The following POLI variants were observed in gnomAD, a reference collection of about 807,000 sequenced individuals.
POLI encodes the protein DNA polymerase iota.
Under a neutral mutation model 51.6 loss-of-function variants are expected in POLI, and 58 were observed. The observed-to-expected ratio is 1.12, with a 90% CI of 0.91 to 1.40. POLI has a LOEUF of 1.40. Ranked by LOEUF, POLI falls within the 40% of genes most tolerant of loss-of-function variation. The pLI, the probability that POLI is intolerant of heterozygous loss-of-function variation, is 0.00. For synonymous variants in POLI, 322 were observed against 299.7 expected (o/e 1.07, Z -0.77); for missense variants, 921 against 871.3 (o/e 1.06, Z -0.72).
intron 3 of POLI, among the ~76,000 whole-genome samples, chr18:54,312,128 C>CA (rs1173527494): frequency 6.6e-6 from 1 of 152,124 alleles, no homozygotes; most frequent in African/African-American, 2.4e-5. Flanking sequence ...TATTCCCCCC[C>CA]AGCGTCTGTT....
intron 2 of POLI, among the ~76,000 whole-genome samples, chr18:54,273,298 A>G (rs1490021990): frequency 1.3e-5 from 2 of 150,802 alleles, no homozygotes; most frequent in Non-Finnish European, 3.0e-5. Flanking sequence ...TATATTTTAT[A>G]TTGCTTTATA....
At chr18:54,276,174 G>A (rs1328609081) in intron 3 of POLI, among the ~76,000 whole-genome samples, 1 of 151,658 alleles carries the variant, frequency 6.6e-6, no homozygotes, top group Non-Finnish European at 1.5e-5. Context: ...GGTCAGTCTG[G>A]GCAATATAAC....
downstream of POLI, among the ~76,000 whole-genome samples, chr18:54,300,697 C>A (rs961132798): frequency 6.6e-6 from 1 of 151,984 alleles, no homozygotes. Flanking sequence ...AAGTAGGACC[C>A]AACTGTCTGC....
intron 5 of POLI, among the ~76,000 whole-genome samples, chr18:54,282,146 T>A (rs1210498223): frequency 2.0e-5 from 3 of 152,198 alleles, no homozygotes; most frequent in African/African-American, 4.8e-5. Flanking sequence ...TTACCTAATA[T>A]GTACACTTAA....
At position 54,297,511 on chromosome 18, in the gene POLI, T is replaced by G. The variant is rs2088394898; in HGVS notation, c.*3044T>G. ...GAACTCTAAAAAGTATCTATTCCAC[T>G]GTAGTGCCAAAGTACAAATTTATTT... On this transcript the variant is annotated 3_prime_UTR_variant, in exon 10 of 10. Coordinates refer to ENST00000579534, the MANE Select transcript of POLI (RefSeq NM_007195.3). 1.0e-6 allele frequency: 1 copy of G among 981,732 alleles called. No individual in the cohort carries two copies. Among genetic ancestry groups the G allele is most frequent in the Non-Finnish European group, 1.2e-6 (1 of 826,760 alleles). The allele number at this position is 981,732 out of a possible 1,614,324, so 60.8% of individuals were successfully genotyped here.
chr18:54,299,323 T>C (rs1485060323), downstream of POLI, among the ~76,000 whole-genome samples: 1 of 152,112 alleles, frequency 6.6e-6, no homozygotes, highest in East Asian at 1.9e-4. Context: ...TAGTCCCACC[T>C]ACTGGGGAGG....
At chr18:54,279,925 C>G (rs489292) in intron 4 of POLI, among the ~76,000 whole-genome samples, 1 of 152,092 alleles carries the variant, frequency 6.6e-6, no homozygotes, top group Non-Finnish European at 1.5e-5. Flanking sequence ...TGCCTACTTA[C>G]GGGTAAATAT....
At chr18:54,301,279 C>A (rs1185252099), downstream of POLI, among the ~76,000 whole-genome samples, 1 of 151,204 alleles carries the variant, frequency 6.6e-6, no homozygotes, top group Admixed American at 6.6e-5. Context: ...ACTCCCATCA[C>A]ACACACACAC....
Position 54,297,924 on chromosome 18 carries a change from C to G in POLI, c.*3457C>G, listed in dbSNP as rs2088413213. 2 of 980,408 alleles carry G rather than the reference C, an allele frequency of 2.0e-6. No homozygotes were observed. Among genetic ancestry groups the G allele is most frequent in the Non-Finnish European group, 2.4e-6 (2 of 825,676 alleles). The allele number at this position is 980,408 out of a possible 1,614,324, so 60.7% of individuals were successfully genotyped here. A position where few individuals can be genotyped will look rare whatever the true frequency, so the allele number is the denominator to read the frequency against. ...TCCTTCTAGGTAGAATTCTTTATAC[C>G]TTCTGAAATTATGTCCTTAGAGCTG... On this transcript the variant is annotated 3_prime_UTR_variant, in exon 10 of 10. Transcript: ENST00000579534.
intron 3 of POLI, among the ~76,000 whole-genome samples, chr18:54,314,417 A>G (rs1361917135): frequency 6.6e-6 from 1 of 152,116 alleles, no homozygotes; most frequent in Admixed American, 6.6e-5. Context: ...CATCAGCAAT[A>G]TTGGCCTGAA....
rs2087471959 is a variant in POLI, at chr18:54,280,921, G to A, written c.796+18G>A. The A allele has an allele frequency of 7.6e-7, 1 of 1,308,378 alleles. No homozygotes were observed. Among genetic ancestry groups the A allele is most frequent in the South Asian group, 1.2e-5 (1 of 83,476 alleles). The allele number at this position is 1,308,378 out of a possible 1,614,324, so 81.0% of individuals were successfully genotyped here. On this transcript the variant is annotated intron_variant, in intron 5 of 9. Transcript: ENST00000579534. ...AATACCTGGTAAGACAAATATATTTGAAAAGTACATATACGTCTTATTTTA... is the reference window on the plus strand; with the variant it reads ...AATACCTGGTAAGACAAATATATTTAAAAAGTACATATACGTCTTATTTTA...
chr18:54,269,711 G>A, intron 1 of POLI, 50 bp downstream of exon 1: 1 of 1,429,046 alleles, frequency 7.0e-7, no homozygotes, highest in Non-Finnish European at 9.1e-7. Context: ...TAAATGAGAA[G>A]GGTGGGGCAG....
intron 3 of POLI, among the ~76,000 whole-genome samples, chr18:54,318,061 C>T (rs772376311): frequency 3.3e-5 from 5 of 152,032 alleles, no homozygotes; most frequent in African/African-American, 7.2e-5. Flanking sequence ...ATATTGAATT[C>T]GTGCAATATA....
chr18:54,294,443 A>C lies in POLI; in HGVS notation c.2199A>C (p.Ser733=), dbSNP rs931733510. Reference sequence around the variant, plus strand: ...TGGCAGAGTGGAAGAGAGCAGGATCAGATTTCCACATTGGACATAAATAAG... The same window carrying C: ...TGGCAGAGTGGAAGAGAGCAGGATCCGATTTCCACATTGGACATAAATAAG... The part of the protein sequence containing the change: ...ELLAEWKRAG[S]DFHIGHK Residue 733 remains serine, a synonymous_variant, in exon 10 of 10, where the codon TCA becomes TCC. Coordinates refer to ENST00000579534, the MANE Select transcript of POLI (RefSeq NM_007195.3). The C allele has an allele frequency of 1.9e-6, 3 of 1,599,750 alleles. No individual in the cohort carries two copies. The African/African-American group carries it at 4.0e-5, about 22-fold the overall frequency.
At chr18:54,271,215 T>G in intron 1 of POLI, 145 bp from the exon 2 acceptor site, 3 of 598,836 alleles carry the variant, frequency 5.0e-6, no homozygotes, top group Non-Finnish European at 5.5e-6. Context: ...GTCTTTGTAA[T>G]TTTTCGATGC....
intron 4 of POLI, 114 bp downstream of exon 4, chr18:54,277,969 T>C: frequency 1.1e-5 from 8 of 749,006 alleles, no homozygotes; most frequent in Non-Finnish European, 1.7e-5. Context: ...GGAGGTATAG[T>C]TATATTTAGT....
intron 7 of POLI, among the ~76,000 whole-genome samples, chr18:54,286,805 G>A (rs991369999): frequency 6.6e-6 from 1 of 152,060 alleles, no homozygotes; most frequent in Non-Finnish European, 1.5e-5. Flanking sequence ...TTAGCCAGGT[G>A]TGGTCACACA....
rs368394478 is a variant in POLI, at chr18:54,279,989, CA to C, written c.560-676del. Reference sequence around the variant, plus strand: ...AATTTTTTTATGAGATCAGTTTTCACAATGTGTTAATTATTAAGCACTCCCA... The same window carrying C: ...AATTTTTTTATGAGATCAGTTTTCACATGTGTTAATTATTAAGCACTCCCA... On this transcript the variant is annotated intron_variant, in intron 4 of 9. Transcript: ENST00000579534. 5.8e-3 allele frequency among the ~76,000 whole-genome samples: 884 copies of C among 152,220 alleles called. 7 individuals carry two copies. Among genetic ancestry groups the C allele is most frequent in the African/African-American group, 0.021 (853 of 41,528 alleles).
At chr18:54,274,573 A>G (rs1007201664) in intron 3 of POLI, among the ~76,000 whole-genome samples, 1 of 151,824 alleles carries the variant, frequency 6.6e-6, no homozygotes, top group African/African-American at 2.4e-5. Context: ...TTTTATATAT[A>G]TACTAAATAT....
Sources: gnomAD v4.1 joint callset for allele counts (sites outside exome capture counted in the v4.1 genomes callset) on GRCh38, gnomAD v4.1.1 for gene constraint, MANE v1.5 for transcripts, NCBI Gene and HGNC (gene_info 2026-07-23, HGNC 2026-07-21) for gene names.